The following TAS2R1 variants were observed in gnomAD, a reference collection of about 807,000 sequenced individuals.
TAS2R1 encodes the protein taste 2 receptor member 1, also known as taste receptor type 2 member 1.
For synonymous variants in TAS2R1, 141 were observed against 134.2 expected (o/e 1.05, Z -0.35); for missense variants, 370 against 353.4 (o/e 1.05, Z -0.38).
chr5:9,890,467 T>C, the TAS2R1 span, among the ~76,000 whole-genome samples: 1 of 152,288 alleles, frequency 6.6e-6, no homozygotes, highest in South Asian at 2.1e-4. Flanking sequence ...TTTGTAATCA[T>C]TATTATCTTT....
intron 1 of TAS2R1, among the ~76,000 whole-genome samples, chr5:9,703,539 C>T (rs1741535503): frequency 6.6e-6 from 1 of 152,008 alleles, no homozygotes; most frequent in Non-Finnish European, 1.5e-5. Context: ...ACAGGGGCTC[C>T]AACAACATAT....
rs148187358 is a variant in TAS2R1, at chr5:9,665,414, A to G, written c.-241-5833T>C. ...AACATTTCCCTGGGTTTGGCATCCTATCATCTCAGTTCCCAGTGATTGGGG... is the reference window on the plus strand; with the variant it reads ...AACATTTCCCTGGGTTTGGCATCCTGTCATCTCAGTTCCCAGTGATTGGGG... On this transcript the variant is annotated intron_variant, in intron 1 of 2. Transcript: ENST00000506620. Among the ~76,000 whole-genome samples the G allele has an allele frequency of 2.1e-3, 327 of 152,354 alleles. 1 individual carries two copies. Among genetic ancestry groups the G allele is most frequent in the African/African-American group, 7.4e-3 (306 of 41,582 alleles).
the TAS2R1 span, among the ~76,000 whole-genome samples, chr5:9,731,112 G>A: frequency 1.3e-5 from 2 of 151,958 alleles, no homozygotes; most frequent in African/African-American, 4.8e-5. Context: ...TCCACCAGCT[G>A]AGCACACCAG....
At position 9,686,720 on chromosome 5, in the gene TAS2R1, G is replaced by A. The variant is rs192079256; in HGVS notation, c.-242+25452C>T. On this transcript the variant is annotated intron_variant, in intron 1 of 2. Coordinates refer to the TAS2R1 transcript ENST00000506620. The stretch of plus-strand genomic sequence containing the variant: ...GAAATGGGCAGACAAACTATATTAC[G>A]TTCACATGACAGAAACTATATGGCT... Among the ~76,000 whole-genome samples, 24 of 152,142 alleles carry A rather than the reference G, an allele frequency of 1.6e-4. No homozygotes were observed. The East Asian group carries it at 4.1e-3, about 26-fold the overall frequency.
At chr5:9,765,661 A>T in the TAS2R1 span, 1 of 152,064 alleles carries the variant, frequency 6.6e-6, no homozygotes, top group African/African-American at 2.4e-5. Flanking sequence ...TGGATACCAG[A>T]TGGCACAGAA....
intron 1 of TAS2R1, among the ~76,000 whole-genome samples, chr5:9,699,416 T>C (rs1353916628): frequency 6.6e-6 from 1 of 152,198 alleles, no homozygotes; most frequent in Non-Finnish European, 1.5e-5. Flanking sequence ...CTTCTGAGGA[T>C]GATTTATATG....
intron 1 of TAS2R1, among the ~76,000 whole-genome samples, chr5:9,680,383 T>G (rs1740969530): frequency 6.6e-6 from 1 of 152,172 alleles, no homozygotes; most frequent in South Asian, 2.1e-4. Context: ...AAGTGTGAGT[T>G]GTGCATAGCA....
At chr5:9,715,868 G>A (rs1379447504), upstream of TAS2R1, among the ~76,000 whole-genome samples, 1 of 152,194 alleles carries the variant, frequency 6.6e-6, no homozygotes, top group African/African-American at 2.4e-5. Context: ...AACAGAGCAA[G>A]ATTGAAATAT....
chr5:9,696,806 G>A (rs1027276288), intron 1 of TAS2R1, among the ~76,000 whole-genome samples: 3 of 151,936 alleles, frequency 2.0e-5, no homozygotes, highest in Non-Finnish European at 4.4e-5. Context: ...CTGAGGTTGG[G>A]AGTTTGAGAC....
the TAS2R1 span, among the ~76,000 whole-genome samples, chr5:9,881,224 C>T: frequency 6.6e-6 from 1 of 151,770 alleles, no homozygotes; most frequent in Non-Finnish European, 1.5e-5. Context: ...AAACAGAGAG[C>T]CAAATCATGA....
the TAS2R1 span, among the ~76,000 whole-genome samples, chr5:9,835,461 A>T: frequency 6.6e-6 from 1 of 152,246 alleles, no homozygotes; most frequent in African/African-American, 2.4e-5. Context: ...CCTGTCAATA[A>T]GAACAGAGAA....
intron 2 of TAS2R1, among the ~76,000 whole-genome samples, chr5:9,642,971 C>A (rs974180025): frequency 2.6e-5 from 4 of 151,626 alleles, no homozygotes; most frequent in African/African-American, 9.7e-5. Flanking sequence ...CCCTTCTTTC[C>A]TTTTTCCTTC....
intron 2 of TAS2R1, among the ~76,000 whole-genome samples, chr5:9,655,445 A>C (rs1740389770): frequency 6.6e-6 from 1 of 152,182 alleles, no homozygotes; most frequent in Non-Finnish European, 1.5e-5. Context: ...TATGAGACTT[A>C]GTTTAGTTTA....
chr5:9,864,734 A>C, the TAS2R1 span, among the ~76,000 whole-genome samples: 2 of 151,864 alleles, frequency 1.3e-5, no homozygotes, highest in Non-Finnish European at 2.9e-5. Flanking sequence ...AAAAAATTAA[A>C]CCCATTAATG....
At chr5:9,848,006 A>C in the TAS2R1 span, among the ~76,000 whole-genome samples, 15 of 152,310 alleles carry the variant, frequency 9.8e-5, no homozygotes, top group South Asian at 2.9e-3. Context: ...ACTGGATCCC[A>C]ACAATTTGTG....
the TAS2R1 span, among the ~76,000 whole-genome samples, chr5:9,723,604 C>T: frequency 6.6e-6 from 1 of 152,234 alleles, no homozygotes. Flanking sequence ...AGATGCCCAC[C>T]CTCACTGCCA....
the TAS2R1 span, among the ~76,000 whole-genome samples, chr5:9,794,551 A>T: frequency 6.6e-6 from 1 of 152,232 alleles, no homozygotes. Context: ...TACTAAATTT[A>T]TTATTTAAAA....
chr5:9,877,356 T>C, the TAS2R1 span, among the ~76,000 whole-genome samples: 2 of 152,348 alleles, frequency 1.3e-5, no homozygotes, highest in Admixed American at 6.5e-5. Flanking sequence ...TAGAAAACTC[T>C]TTCTATATGG....
intron 1 of TAS2R1, among the ~76,000 whole-genome samples, chr5:9,667,465 G>T (rs1187547083): frequency 1.3e-5 from 2 of 152,148 alleles, no homozygotes; most frequent in African/African-American, 4.8e-5. Flanking sequence ...AGAGCTTCCT[G>T]CCCAGTGGCC....
Sources: gnomAD v4.1 joint callset for allele counts (sites outside exome capture counted in the v4.1 genomes callset) on GRCh38, gnomAD v4.1.1 for gene constraint, MANE v1.5 for transcripts, NCBI Gene and HGNC (gene_info 2026-07-23, HGNC 2026-07-21) for gene names.